USH2A: variants seen among roughly 807,000 people sequenced by gnomAD.
The protein encoded by USH2A is usherin.
In USH2A, 443 loss-of-function variants were observed where a neutral mutation model predicts 538.9. The observed-to-expected ratio is 0.82, with a 90% CI of 0.76 to 0.89. The LOEUF (loss-of-function observed/expected upper bound fraction) is 0.89, where lower values mean the gene tolerates loss of function less well. USH2A is among the 40% of genes least tolerant of loss of function. The pLI, the probability that USH2A is intolerant of heterozygous loss-of-function variation, is 0.00. For missense variants in USH2A, 6,633 were observed against 6,324.8 expected (o/e 1.05, Z -1.65); for synonymous variants, 2,413 against 2,273.5 (o/e 1.06, Z -1.75).
chr1:216,008,137 C>T (rs1668449881), intron 32 of USH2A, among the ~76,000 whole-genome samples: 1 of 152,142 alleles, frequency 6.6e-6, no homozygotes, highest in Non-Finnish European at 1.5e-5. Flanking sequence ...ACTGCTATGT[C>T]GTCACTGTCA....
intron 49 of USH2A, among the ~76,000 whole-genome samples, chr1:215,807,352 G>C (rs1434137843): frequency 6.6e-6 from 1 of 152,110 alleles, no homozygotes; most frequent in Non-Finnish European, 1.5e-5. Context: ...ATGATTTATA[G>C]CAGCAATAGG....
rs538499111 is a variant in USH2A at position 216,075,737 on chromosome 1, A to G, written c.5572+2352T>C. Among the ~76,000 whole-genome samples the G allele has an allele frequency of 6.6e-4, 101 of 152,276 alleles. 2 individuals carry two copies. The highest frequency in any genetic ancestry group is 2.3e-3 in the African/African-American group (94 of 41,554). On this transcript the variant is annotated intron_variant, in intron 27 of 71. Transcript: ENST00000307340. ...TATCCTCATTGATCATTCTAAGAAG[A>G]TAAACTCTCATCATCTGAGCTGGCA...
At chr1:216,378,378 T>C (rs1207820172) in intron 3 of USH2A, among the ~76,000 whole-genome samples, 1 of 152,174 alleles carries the variant, frequency 6.6e-6, no homozygotes, top group African/African-American at 2.4e-5. Context: ...TTCCATTCTA[T>C]GTAAATATAA....
rs767320819 is a variant in USH2A, at chr1:215,639,146, G to A, written c.15052+9C>T. 22 of 1,613,718 alleles carry A rather than the reference G, an allele frequency of 1.4e-5. No homozygotes were observed. The highest frequency in any genetic ancestry group is 1.9e-5 in the Non-Finnish European group (22 of 1,179,746). On this transcript the variant is annotated intron_variant, in intron 69 of 71. Transcript: ENST00000307340. ...AGGTGCTACGCCAAGTATAATATGA[G>A]TTGTTTACCAAGTCCAGTAGAGGTA...
Position 215,640,648 on chromosome 1 carries a change from G to A in USH2A, c.14878C>T (p.Gln4960Ter), listed in dbSNP as rs1362179409. Residue 4960 changes from glutamine (Q) to a stop codon, truncating the protein, a stop_gained, in exon 68 of 72, where the codon CAA becomes TAA. Coordinates refer to ENST00000307340, the MANE Select transcript of USH2A (RefSeq NM_206933.4). LOFTEE classifies it high-confidence loss of function. The stretch of plus-strand genomic sequence containing the variant: ...TCGGTTAACACGTACTCCTTCAGTT[G>A]GCCGTTCAGGAGGAAGGTGTCACTC... Reference protein sequence around the residue: ...NWSDTFLLNGQLKEYVLTDGG... With the variant: ...NWSDTFLLNG The A allele has an allele frequency of 6.2e-7, 1 of 1,613,880 alleles. No homozygotes were observed. The highest frequency in any genetic ancestry group is 2.2e-5 in the East Asian group (1 of 44,850).
intron 3 of USH2A, among the ~76,000 whole-genome samples, chr1:216,386,390 G>A (rs1182636472): frequency 1.3e-5 from 2 of 151,176 alleles, no homozygotes; most frequent in Non-Finnish European, 2.9e-5. Flanking sequence ...CAAGCTACTC[G>A]GGAGGCTGAG....
chr1:215,647,844 G>A (rs1425718903), intron 66 of USH2A, 114 bp from the exon 67 acceptor site: 1 of 1,249,314 alleles, frequency 8.0e-7, no homozygotes, highest in Admixed American at 2.0e-5. Flanking sequence ...AGAGCTACAG[G>A]CTCTTTAAAA....
chr1:216,064,274 G>A (rs1430403437), intron 30 of USH2A, among the ~76,000 whole-genome samples: 1 of 152,122 alleles, frequency 6.6e-6, no homozygotes, highest in African/African-American at 2.4e-5. Flanking sequence ...CATCCTGGCA[G>A]CTCAGGGCTC....
At position 215,921,590 on chromosome 1, in the gene USH2A, T is replaced by C. The variant is rs777864574; in HGVS notation, c.7300+13026A>G. ...GATTAGTGGGGCATCAAAATCTGTGTTGCTGCTGCCAAGAGAGCATATGAA... is the reference window on the plus strand; with the variant it reads ...GATTAGTGGGGCATCAAAATCTGTGCTGCTGCTGCCAAGAGAGCATATGAA... On this transcript the variant is annotated intron_variant, in intron 38 of 71. Transcript: ENST00000307340. 3.0e-4 allele frequency among the ~76,000 whole-genome samples: 46 copies of C among 152,066 alleles called. 1 individual carries two copies. The highest frequency in any genetic ancestry group is 5.6e-4 in the Non-Finnish European group (38 of 67,990).
At chr1:215,770,559 A>G (rs1303065184) in intron 55 of USH2A, among the ~76,000 whole-genome samples, 1 of 152,174 alleles carries the variant, frequency 6.6e-6, no homozygotes, top group Non-Finnish European at 1.5e-5. Context: ...TCTATACATT[A>G]TCTAAATATA....
At chr1:216,096,985 T>A (rs2032455721) in intron 22 of USH2A, 98 bp downstream of exon 22, 2 of 1,257,072 alleles carry the variant, frequency 1.6e-6, no homozygotes, top group African/African-American at 1.5e-5. Flanking sequence ...CCTTACAAGG[T>A]TTGAATGAAG....
At chr1:215,963,882 T>C (rs1667264537) in intron 37 of USH2A, among the ~76,000 whole-genome samples, 1 of 152,010 alleles carries the variant, frequency 6.6e-6, no homozygotes, top group Admixed American at 6.6e-5. Flanking sequence ...ACCGATAAAT[T>C]CCAGCAGATT....
rs1558036860 is a variant in USH2A, at chr1:216,321,909, G to A, written c.1618C>T (p.Gln540Ter). 22 of 1,613,804 alleles carry A rather than the reference G, an allele frequency of 1.4e-5. No homozygotes were observed. The highest frequency in any genetic ancestry group is 1.9e-5 in the Non-Finnish European group (22 of 1,179,854). ...TSQPYRCLCS[Q>*]ESFTEGLHCD... ...TGAAGTCCTTCAGTGAAGCTCTCCT[G>A]GGAGCAGAGGCATCTATATGGCTGG... The change falls in exon 9 of 72, where the codon CAG becomes TAG. Residue 540 changes from glutamine (Q) to a stop codon, truncating the protein, a stop_gained. Transcript: ENST00000307340. LOFTEE classifies it high-confidence loss of function.
intron 61 of USH2A, among the ~76,000 whole-genome samples, chr1:215,708,507 A>T (rs1659245205): frequency 6.6e-6 from 1 of 152,160 alleles, no homozygotes; most frequent in Non-Finnish European, 1.5e-5. Flanking sequence ...GGCACCAGGG[A>T]TCCGTTTCAT....
At chr1:216,391,258 C>G (rs57046342) in intron 3 of USH2A, among the ~76,000 whole-genome samples, 11,532 of 152,162 alleles carry the variant, frequency 0.076, 1,216 homozygotes, top group African/African-American at 0.23. Context: ...TCTGACAACA[C>G]CAAGAGTGCT....
At chr1:215,962,042 GT>G (rs1185473154) in intron 37 of USH2A, among the ~76,000 whole-genome samples, 1 of 151,908 alleles carries the variant, frequency 6.6e-6, no homozygotes, top group Non-Finnish European at 1.5e-5. Context: ...AAGAAACACA[GT>G]TTTTAAACTT....
At chr1:216,019,250 T>C (rs1227285953) in intron 32 of USH2A, among the ~76,000 whole-genome samples, 3 of 152,170 alleles carry the variant, frequency 2.0e-5, no homozygotes, top group Non-Finnish European at 2.9e-5. Flanking sequence ...AAAAAGACTG[T>C]AGCAAAATGC....
chr1:215,731,455 C>T (rs1438822621), intron 60 of USH2A, among the ~76,000 whole-genome samples: 1 of 152,164 alleles, frequency 6.6e-6, no homozygotes, highest in Non-Finnish European at 1.5e-5. Context: ...GGAAGTGTTT[C>T]CTCCTGAGTA....
At position 215,782,073 on chromosome 1, in the gene USH2A, C is replaced by T; in HGVS notation, c.10709G>A (p.Cys3570Tyr). The change falls in exon 54 of 72, where the codon TGC becomes TAC. Residue 3570 changes from cysteine (C) to tyrosine (Y), a missense_variant. Coordinates refer to ENST00000307340, the MANE Select transcript of USH2A (RefSeq NM_206933.4). ...ACTGGTGGCACAGCCAGCAACCGTG[C>T]AAGCTTTCAGCTGATATGAATATTC... is the stretch of plus-strand genomic sequence containing the variant. ...FQEYSYQLKA[C>Y]TVAGCATSSK... The T allele has an allele frequency of 6.2e-7, 1 of 1,614,012 alleles. No homozygotes were observed. Among genetic ancestry groups the T allele is most frequent in the Non-Finnish European group, 8.5e-7 (1 of 1,179,892 alleles).
Sources: gnomAD v4.1 joint callset for allele counts (sites outside exome capture counted in the v4.1 genomes callset) on GRCh38, gnomAD v4.1.1 for gene constraint, MANE v1.5 for transcripts, NCBI Gene and HGNC (gene_info 2026-07-23, HGNC 2026-07-21) for gene names.